HECW1: variants seen among roughly 807,000 people sequenced by gnomAD.
HECW1 encodes the protein HECT, C2 and WW domain containing E3 ubiquitin protein ligase 1, also known as E3 ubiquitin-protein ligase HECW1.
HECW1 carries 61 observed loss-of-function variants against 182.3 expected under a neutral mutation model. The observed-to-expected ratio is 0.33, with a 90% CI of 0.27 to 0.41. The LOEUF is 0.41. Among genes scored for constraint, HECW1 ranks in the 10% least tolerant of loss-of-function variants. HECW1 has a pLI of 1.00. For missense variants in HECW1, 1,739 were observed against 2,108.9 expected, an observed-to-expected ratio of 0.82 and a Z score of 3.44; for synonymous variants, 859 against 832.6, an observed-to-expected ratio of 1.03 and a Z score of -0.55.
chr7:43,355,605 TA>T (rs1399012209), intron 5 of HECW1, among the ~76,000 whole-genome samples: 1 of 151,562 alleles, frequency 6.6e-6, no homozygotes, highest in Admixed American at 6.6e-5. Flanking sequence ...ATAGATTCAC[TA>T]AAAATAAAAA....
intron 3 of HECW1, among the ~76,000 whole-genome samples, chr7:43,286,015 G>A (rs1017214423): frequency 8.5e-5 from 13 of 152,284 alleles, no homozygotes; most frequent in Middle Eastern, 3.4e-3. Flanking sequence ...TAAGTCATAT[G>A]GCTTGCAAAA....
At chr7:43,257,561 T>A (rs1269344623) in intron 3 of HECW1, among the ~76,000 whole-genome samples, 1 of 151,824 alleles carries the variant, frequency 6.6e-6, no homozygotes, top group East Asian at 1.9e-4. Context: ...GGAGAGGAGG[T>A]GAAAAACCAA....
At chr7:43,163,524 G>T (rs1790777158) in intron 2 of HECW1, among the ~76,000 whole-genome samples, 1 of 152,126 alleles carries the variant, frequency 6.6e-6, no homozygotes, top group Non-Finnish European at 1.5e-5. Flanking sequence ...CCTTCCATTT[G>T]AAGGTCCAGG....
At chr7:43,550,104 CAAA>C (rs5883871) in intron 26 of HECW1, among the ~76,000 whole-genome samples, 1 of 148,622 alleles carries the variant, frequency 6.7e-6, no homozygotes, top group Non-Finnish European at 1.5e-5. Context: ...CACATTCTAC[CAAA>C]AAAAAAGAAG....
intron 3 of HECW1, among the ~76,000 whole-genome samples, chr7:43,295,793 C>A (rs548201182): frequency 9.4e-4 from 143 of 152,242 alleles, no homozygotes; most frequent in Admixed American, 2.5e-3. Flanking sequence ...GGTAAGGGAG[C>A]TTTTTCATTG....
chr7:43,199,978 G>A (rs1372665935), intron 2 of HECW1, among the ~76,000 whole-genome samples: 1 of 152,192 alleles, frequency 6.6e-6, no homozygotes, highest in Non-Finnish European at 1.5e-5. Flanking sequence ...CTGTGAATAA[G>A]TACATAGGAA....
chr7:43,343,334 T>C (rs1236378453), intron 5 of HECW1, among the ~76,000 whole-genome samples: 2 of 151,458 alleles, frequency 1.3e-5, no homozygotes, highest in African/African-American at 2.4e-5. Context: ...GTTTGTTACA[T>C]AGGTGTACAT....
At chr7:43,220,043 C>A (rs997994687) in intron 2 of HECW1, among the ~76,000 whole-genome samples, 2 of 152,142 alleles carry the variant, frequency 1.3e-5, no homozygotes, top group African/African-American at 4.8e-5. Context: ...CAACACGGTC[C>A]CCCACACACT....
intron 3 of HECW1, among the ~76,000 whole-genome samples, chr7:43,272,904 G>C (rs1802586777): frequency 6.6e-6 from 1 of 152,104 alleles, no homozygotes; most frequent in Non-Finnish European, 1.5e-5. Flanking sequence ...CAATAGCAAA[G>C]ACATGTATTC....
intron 21 of HECW1, among the ~76,000 whole-genome samples, chr7:43,504,012 G>A (rs1460149802): frequency 6.6e-6 from 1 of 152,124 alleles, no homozygotes; most frequent in South Asian, 2.1e-4. Context: ...AGGTAGGCGG[G>A]GCCCCAACGC....
At chr7:43,235,608 A>G (rs1798256675) in intron 2 of HECW1, among the ~76,000 whole-genome samples, 1 of 152,224 alleles carries the variant, frequency 6.6e-6, no homozygotes, top group African/African-American at 2.4e-5. Flanking sequence ...ATACAGAGAC[A>G]TGGTGCTCCT....
chr7:43,555,251 GGGGATACAT>G (rs1045972153), intron 29 of HECW1, among the ~76,000 whole-genome samples: 2 of 152,148 alleles, frequency 1.3e-5, no homozygotes, highest in African/African-American at 4.8e-5. Context: ...TAGAACATGT[GGGGATACAT>G]GTATCTCTGG....
chr7:43,417,687 C>T (rs1410261103), intron 8 of HECW1, among the ~76,000 whole-genome samples: 1 of 152,000 alleles, frequency 6.6e-6, no homozygotes, highest in African/African-American at 2.4e-5. Context: ...CATAGCAAGA[C>T]CCCATCTCAA....
intron 5 of HECW1, among the ~76,000 whole-genome samples, chr7:43,347,527 T>C (rs1266000843): frequency 6.6e-6 from 1 of 152,088 alleles, no homozygotes; most frequent in Admixed American, 6.6e-5. Context: ...CTTTCTCTTG[T>C]CTGATTGCTC....
intron 2 of HECW1, among the ~76,000 whole-genome samples, chr7:43,181,769 T>C (rs1029084599): frequency 1.3e-5 from 2 of 150,750 alleles, no homozygotes; most frequent in African/African-American, 5.0e-5. Context: ...TAATATTTTC[T>C]CATATTGTTT....
At chr7:43,144,851 G>A (rs1325316821) in intron 2 of HECW1, among the ~76,000 whole-genome samples, 4 of 152,036 alleles carry the variant, frequency 2.6e-5, no homozygotes, top group East Asian at 3.9e-4. Flanking sequence ...CTGGTTTTAC[G>A]GTATTTTTGA....
intron 6 of HECW1, among the ~76,000 whole-genome samples, chr7:43,387,656 A>G (rs989451991): frequency 6.6e-6 from 1 of 152,208 alleles, no homozygotes; most frequent in African/African-American, 2.4e-5. Flanking sequence ...GTTGGTTTTC[A>G]GCTTATGGTA....
chr7:43,462,203 ACCCCCT>A (rs944306309), intron 13 of HECW1, among the ~76,000 whole-genome samples: 1 of 148,594 alleles, frequency 6.7e-6, no homozygotes, highest in Admixed American at 6.7e-5. Context: ...CCTCCTCTTC[ACCCCCT>A]CCCTCCACCC....
At chr7:43,226,106 A>G (rs1365938681) in intron 2 of HECW1, among the ~76,000 whole-genome samples, 2 of 152,128 alleles carry the variant, frequency 1.3e-5, no homozygotes, top group Non-Finnish European at 2.9e-5. Context: ...GCATCTTATT[A>G]TTTTTAGATG....
Sources: gnomAD v4.1 joint callset for allele counts (sites outside exome capture counted in the v4.1 genomes callset) on GRCh38, gnomAD v4.1.1 for gene constraint, MANE v1.5 for transcripts, NCBI Gene and HGNC (gene_info 2026-07-23, HGNC 2026-07-21) for gene names.